ARAP2: variants seen among roughly 807,000 people sequenced by gnomAD.
ARAP2 encodes ArfGAP with RhoGAP domain, ankyrin repeat and PH domain 2, also known as arf-GAP with Rho-GAP domain, ANK repeat and PH domain-containing protein 2.
Under a neutral mutation model 194.5 loss-of-function variants are expected in ARAP2, and 148 were observed. The observed-to-expected ratio is 0.76, with a 90% CI of 0.67 to 0.87. ARAP2 has a LOEUF of 0.87. Among genes scored for constraint, ARAP2 ranks in the 40% least tolerant of loss-of-function variants. ARAP2 has a pLI of 0.00. For synonymous variants in ARAP2, 695 were observed against 683.5 expected (o/e 1.02, Z -0.26); for missense variants, 2,128 against 1,989.7 (o/e 1.07, Z -1.32).
intron 6 of ARAP2, among the ~76,000 whole-genome samples, chr4:36,205,944 T>C (rs1560665052): frequency 6.6e-6 from 1 of 152,232 alleles, no homozygotes; most frequent in Non-Finnish European, 1.5e-5. Context: ...GCCCAGCTAA[T>C]TTGCAGATTA....
chr4:36,187,647 T>C lies in ARAP2; in HGVS notation c.1558-76A>G. Reference sequence around the variant, plus strand: ...ATCTTATCAAAAAAGAATGGCACAGTATTTATAACTGCTTCTCTTTATAAT... The same window carrying C: ...ATCTTATCAAAAAAGAATGGCACAGCATTTATAACTGCTTCTCTTTATAAT... On this transcript the variant is annotated intron_variant, in intron 7 of 32. Coordinates refer to ENST00000303965, the MANE Select transcript of ARAP2 (RefSeq NM_015230.4). 4.8e-6 allele frequency: 6 copies of C among 1,244,262 alleles called. No individual in the cohort carries two copies. In the South Asian group the frequency reaches 1.0e-4, roughly 22 times the overall value. 77.1% of individuals were successfully genotyped at this position (1,244,262 alleles called of 1,614,324 possible).
intron 27 of ARAP2, 52 bp downstream of exon 27, chr4:36,107,513 T>G: frequency 6.4e-7 from 1 of 1,558,466 alleles, no homozygotes; most frequent in Non-Finnish European, 8.7e-7. Flanking sequence ...TAATTACCCT[T>G]TAACCACTTG....
chr4:36,132,305 T>C (rs909574026), intron 20 of ARAP2, among the ~76,000 whole-genome samples: 4 of 151,756 alleles, frequency 2.6e-5, no homozygotes, highest in African/African-American at 9.7e-5. Flanking sequence ...AATGCTTTAC[T>C]GCAGCCCTCT....
rs1399683999 is a variant in ARAP2 at position 36,244,183 on chromosome 4, C to G, written c.-164G>C. On this transcript the variant is annotated 5_prime_UTR_variant, in exon 1 of 33. Transcript: ENST00000303965. ...CCCGAGGCCCCGGGTACTCGCCTTG[C>G]GCTCGGGTCGCGGAGTTCGAAAAGC... 6.6e-6 allele frequency: 1 copy of G among 152,038 alleles called. No homozygotes were observed. Among genetic ancestry groups the G allele is most frequent in the Non-Finnish European group, 1.5e-5 (1 of 68,056 alleles). 9.4% of individuals were successfully genotyped at this position (152,038 alleles called of 1,614,324 possible). A position where few individuals can be genotyped will look rare whatever the true frequency, so the allele number is the denominator to read the frequency against.
intron 19 of ARAP2, among the ~76,000 whole-genome samples, chr4:36,133,999 A>G (rs939953436): frequency 6.6e-6 from 1 of 151,746 alleles, no homozygotes; most frequent in African/African-American, 2.4e-5. Context: ...TCAGATCTCC[A>G]TGTGACTGAA....
chr4:36,067,240 AAT>A lies in ARAP2; in HGVS notation c.*665_*666del, dbSNP rs1395358082. 1.3e-5 allele frequency: 2 copies of A among 152,642 alleles called. No homozygotes were observed. Among genetic ancestry groups the A allele is most frequent in the African/African-American group, 4.8e-5 (2 of 41,448 alleles). The allele number at this position is 152,642 out of a possible 1,614,324, so 9.5% of individuals were successfully genotyped here. A position where few individuals can be genotyped will look rare whatever the true frequency, so the allele number is the denominator to read the frequency against. On this transcript the variant is annotated 3_prime_UTR_variant, in exon 33 of 33. Transcript: ENST00000303965. ...TGCTATTATTTACATCTGTTGGCCGAATATTACTCTTGAGAAATAAACACTGG... is the reference window on the plus strand; with the variant it reads ...TGCTATTATTTACATCTGTTGGCCGAATTACTCTTGAGAAATAAACACTGG...
At chr4:36,109,075 T>A (rs1430093388) in intron 26 of ARAP2, among the ~76,000 whole-genome samples, 1 of 151,970 alleles carries the variant, frequency 6.6e-6, no homozygotes, top group Non-Finnish European at 1.5e-5. Context: ...CAAGTTTAAA[T>A]AAATATATCA....
chr4:36,134,835 C>T (rs1270017097), intron 19 of ARAP2, among the ~76,000 whole-genome samples: 1 of 151,470 alleles, frequency 6.6e-6, no homozygotes, highest in Non-Finnish European at 1.5e-5. Context: ...AATTATACTC[C>T]AGGTAAAACT....
chr4:36,191,656 T>C (rs1741928852), intron 7 of ARAP2, among the ~76,000 whole-genome samples: 1 of 152,020 alleles, frequency 6.6e-6, no homozygotes, highest in African/African-American at 2.4e-5. Flanking sequence ...TCAAAATGCC[T>C]GTGTTTTTCA....
chr4:36,239,264 CAA>C (rs1356876344), intron 1 of ARAP2, among the ~76,000 whole-genome samples: 1 of 136,958 alleles, frequency 7.3e-6, no homozygotes. Context: ...GATGCTGTCT[CAA>C]AAAAAAAAAG....
chr4:36,014,906 T>C (rs958661007), intron 8 of ARAP2, among the ~76,000 whole-genome samples: 17 of 152,198 alleles, frequency 1.1e-4, no homozygotes, highest in African/African-American at 4.1e-4. Context: ...GGTTTTCCTA[T>C]TATAACATAT....
intron 27 of ARAP2, among the ~76,000 whole-genome samples, chr4:36,098,037 C>G (rs1054570166): frequency 3.0e-5 from 4 of 132,400 alleles, no homozygotes; most frequent in African/African-American, 2.9e-5. Flanking sequence ...GGCAATGAAA[C>G]TGAAAAGCTC....
intron 5 of ARAP2, among the ~76,000 whole-genome samples, chr4:36,020,001 A>G (rs968295722): frequency 1.3e-5 from 2 of 152,174 alleles, no homozygotes; most frequent in Non-Finnish European, 2.9e-5. Context: ...TTTATAGTTT[A>G]GGCATAGTAA....
chr4:36,158,866 T>G lies in ARAP2; in HGVS notation c.2618-2A>C. The stretch of plus-strand genomic sequence containing the variant: ...AATGAATATCATGTTGAGGGAAATC[T>G]AGAAAAATTAAAGAAATAAGGCACA... On this transcript the variant is annotated splice_acceptor_variant, in intron 14 of 32. Coordinates refer to ENST00000303965, the MANE Select transcript of ARAP2 (RefSeq NM_015230.4). LOFTEE classifies it high-confidence loss of function. 1 of 1,577,852 alleles carries G rather than the reference T, an allele frequency of 6.3e-7. No individual in the cohort carries two copies. Among genetic ancestry groups the G allele is most frequent in the Non-Finnish European group, 8.6e-7 (1 of 1,169,234 alleles).
intron 27 of ARAP2, among the ~76,000 whole-genome samples, chr4:36,105,923 A>G (rs1473007261): frequency 6.6e-6 from 1 of 152,052 alleles, no homozygotes; most frequent in African/African-American, 2.4e-5. Flanking sequence ...ATGGAGAATT[A>G]GAGATATTGC....
At chr4:36,099,734 C>A (rs1019097891) in intron 27 of ARAP2, among the ~76,000 whole-genome samples, 2 of 152,118 alleles carry the variant, frequency 1.3e-5, no homozygotes, top group African/African-American at 4.8e-5. Flanking sequence ...CAACCACATT[C>A]TCTGCTAGAT....
chr4:36,175,589 C>T (rs1737705606), intron 9 of ARAP2, among the ~76,000 whole-genome samples: 1 of 151,550 alleles, frequency 6.6e-6, no homozygotes, highest in African/African-American at 2.4e-5. Flanking sequence ...TGATATAATG[C>T]AATTTAAAAA....
intron 9 of ARAP2, among the ~76,000 whole-genome samples, chr4:36,174,490 T>C (rs1737372329): frequency 6.6e-6 from 1 of 152,166 alleles, no homozygotes; most frequent in Admixed American, 6.5e-5. Flanking sequence ...TACAAATATT[T>C]TCATAGTTAT....
intron 5 of ARAP2, among the ~76,000 whole-genome samples, chr4:36,042,933 C>T (rs1157899230): frequency 6.6e-6 from 1 of 151,890 alleles, no homozygotes; most frequent in African/African-American, 2.4e-5. Context: ...ACCTCTGCCT[C>T]CCAGGTTCAA....
Sources: allele counts gnomAD v4.1 joint callset (sites outside exome capture counted in the v4.1 genomes callset), GRCh38; gene constraint gnomAD v4.1.1; transcripts MANE v1.5; gene names NCBI Gene and HGNC (gene_info 2026-07-23, HGNC 2026-07-21).